DLG2: variants seen among roughly 807,000 people sequenced by gnomAD.
DLG2 encodes the protein disks large homolog 2.
DLG2 carries 45 observed loss-of-function variants against 132.5 expected under a neutral mutation model. That is an observed-to-expected ratio of 0.34 (90% confidence interval 0.27 to 0.44). DLG2 has a LOEUF of 0.44. Among genes scored for constraint, DLG2 ranks in the 20% least tolerant of loss-of-function variants. The pLI, the probability that DLG2 is intolerant of heterozygous loss-of-function variation, is 1.00. For missense variants in DLG2, 1,045 were observed against 1,196.9 expected (o/e 0.87, Z 1.87); for synonymous variants, 424 against 419.6 (o/e 1.01, Z -0.13).
intron 7 of DLG2, among the ~76,000 whole-genome samples, chr11:84,528,571 G>A (rs2099328076): frequency 6.6e-6 from 1 of 152,218 alleles, no homozygotes; most frequent in Admixed American, 6.5e-5. Context: ...CATGCCATAT[G>A]TAAATTCTCC....
chr11:84,511,236 T>A (rs1044101585), intron 7 of DLG2, among the ~76,000 whole-genome samples: 2 of 152,154 alleles, frequency 1.3e-5, no homozygotes, highest in African/African-American at 4.8e-5. Flanking sequence ...TTGTCTTTCA[T>A]AATATTTTAT....
intron 3 of DLG2, among the ~76,000 whole-genome samples, chr11:85,313,902 C>G (rs2080473706): frequency 6.6e-6 from 1 of 151,816 alleles, no homozygotes; most frequent in Non-Finnish European, 1.5e-5. Context: ...ATTTAAAAAT[C>G]AATCTGATCT....
intron 6 of DLG2, among the ~76,000 whole-genome samples, chr11:85,078,981 C>T (rs1185477674): frequency 6.6e-6 from 1 of 151,664 alleles, no homozygotes; most frequent in Non-Finnish European, 1.5e-5. Flanking sequence ...TCAGAACATG[C>T]ACCCAAGGTA....
intron 3 of DLG2, among the ~76,000 whole-genome samples, chr11:85,318,025 T>G (rs1029158562): frequency 6.6e-6 from 1 of 151,898 alleles, no homozygotes; most frequent in African/African-American, 2.4e-5. Context: ...TGAACCAATT[T>G]AATTACATTT....
At chr11:84,591,503 C>G (rs547737717) in intron 6 of DLG2, among the ~76,000 whole-genome samples, 3 of 151,672 alleles carry the variant, frequency 2.0e-5, no homozygotes, top group Non-Finnish European at 4.4e-5. Flanking sequence ...CCTGTTTCTA[C>G]TAAAAATACA....
chr11:83,462,917 G>A (rs150598039), intron 26 of DLG2, among the ~76,000 whole-genome samples: 119 of 152,156 alleles, frequency 7.8e-4, no homozygotes, highest in African/African-American at 2.2e-3. Flanking sequence ...ACTACTGGCA[G>A]CTTTATCTTT....
intron 6 of DLG2, among the ~76,000 whole-genome samples, chr11:84,805,828 G>T (rs567582931): frequency 6.6e-6 from 1 of 152,224 alleles, no homozygotes; most frequent in East Asian, 1.9e-4. Flanking sequence ...CAAGTCTCAG[G>T]TATTTCTTTA....
At chr11:84,383,234 T>C (rs573655210) in intron 7 of DLG2, among the ~76,000 whole-genome samples, 2 of 152,176 alleles carry the variant, frequency 1.3e-5, no homozygotes, top group Non-Finnish European at 2.9e-5. Flanking sequence ...ATAAATATCA[T>C]GTGTTAGCAC....
intron 4 of DLG2, among the ~76,000 whole-genome samples, chr11:85,210,433 CCCA>C (rs2082183581): frequency 6.6e-6 from 1 of 152,096 alleles, no homozygotes; most frequent in African/African-American, 2.4e-5. Flanking sequence ...GGGGTTTTTT[CCCA>C]CATTTTATTC....
At chr11:85,625,300 C>CA (rs1282301443) in intron 2 of DLG2, 2 of 152,174 alleles carry the variant, frequency 1.3e-5, no homozygotes, top group Non-Finnish European at 2.9e-5. Context: ...TTAAATATGT[C>CA]AAAGAGCCAT....
At chr11:84,387,632 A>G (rs368930112) in intron 7 of DLG2, among the ~76,000 whole-genome samples, 1 of 152,178 alleles carries the variant, frequency 6.6e-6, no homozygotes, top group African/African-American at 2.4e-5. Flanking sequence ...AGAAGTGTAC[A>G]GTACCCAAAT....
intron 17 of DLG2, among the ~76,000 whole-genome samples, chr11:83,804,350 T>A (rs1331873032): frequency 6.6e-6 from 1 of 152,140 alleles, no homozygotes; most frequent in Non-Finnish European, 1.5e-5. Context: ...TCTGTTGCTT[T>A]TGTTTTTTCC....
intron 10 of DLG2, among the ~76,000 whole-genome samples, chr11:84,070,128 G>A (rs914566833): frequency 1.3e-5 from 2 of 152,160 alleles, no homozygotes; most frequent in African/African-American, 4.8e-5. Flanking sequence ...CAAGAGATTT[G>A]TAACATATAT....
At chr11:85,467,736 A>T (rs996683160) in intron 3 of DLG2, among the ~76,000 whole-genome samples, 1 of 152,162 alleles carries the variant, frequency 6.6e-6, no homozygotes, top group Non-Finnish European at 1.5e-5. Flanking sequence ...GGATTTTTGC[A>T]TCGATGTTCA....
intron 7 of DLG2, among the ~76,000 whole-genome samples, chr11:84,347,928 T>C (rs578218705): frequency 1.0e-3 from 152 of 152,300 alleles, no homozygotes; most frequent in African/African-American, 3.3e-3. Context: ...TGGGTTTAAA[T>C]CCCCATTCTG....
rs180901816 is a variant in DLG2, at chr11:83,481,901, T to C, written c.2293+2228A>G. 3.9e-5 allele frequency among the ~76,000 whole-genome samples: 6 copies of C among 152,222 alleles called. No individual in the cohort carries two copies. The East Asian group carries it at 1.2e-3, about 29-fold the overall frequency. On this transcript the variant is annotated intron_variant, in intron 22 of 27. Coordinates refer to ENST00000376104, the MANE Select transcript of DLG2 (RefSeq NM_001142699.3). ...AACATTTGCATATTCTGGATTGAAA[T>C]GGTGTCCTATTTCTGACACTCCAAA...
At chr11:84,077,618 C>A (rs2096847004) in intron 10 of DLG2, among the ~76,000 whole-genome samples, 1 of 152,150 alleles carries the variant, frequency 6.6e-6, no homozygotes, top group South Asian at 2.1e-4. Context: ...TAAATAGTAG[C>A]AAAGGATATC....
chr11:84,135,798 G>C (rs1230701922), intron 9 of DLG2, among the ~76,000 whole-genome samples: 1 of 152,114 alleles, frequency 6.6e-6, no homozygotes, highest in African/African-American at 2.4e-5. Context: ...AAGTCAGTGG[G>C]AGCATAATGA....
At chr11:84,045,444 T>G (rs760267847) in intron 11 of DLG2, among the ~76,000 whole-genome samples, 4 of 151,730 alleles carry the variant, frequency 2.6e-5, no homozygotes, top group Non-Finnish European at 5.9e-5. Flanking sequence ...AGTCTACAAA[T>G]ACAAAATTAT....
Sources: allele counts gnomAD v4.1 joint callset (sites outside exome capture counted in the v4.1 genomes callset), GRCh38; gene constraint gnomAD v4.1.1; transcripts MANE v1.5; gene names NCBI Gene and HGNC (gene_info 2026-07-23, HGNC 2026-07-21).